OR13A1: variants seen among roughly 807,000 people sequenced by gnomAD.
OR13A1 encodes olfactory receptor 13A1.
Under a neutral mutation model 7.5 loss-of-function variants are expected in OR13A1, and 10 were observed. The ratio of observed to expected loss-of-function variants is 1.34; its 90% CI spans 0.83 to 2.27. The LOEUF is 2.27. OR13A1 is among the 30% of genes most tolerant of loss of function. The pLI, the probability that OR13A1 is intolerant of heterozygous loss-of-function variation, is 0.00. For synonymous variants in OR13A1, 238 were observed against 177.9 expected (o/e 1.34, Z -2.69); for missense variants, 509 against 419.1 (o/e 1.21, Z -1.87).
In OR13A1 at chr10:45,304,219, C is replaced by T. The variant is rs376387098; in HGVS notation, c.204G>A (p.Thr68=). The change falls in exon 4 of 4, where the codon ACG becomes ACA. Residue 68 remains threonine (T), a synonymous_variant. Coordinates refer to ENST00000553795, the MANE Select transcript of OR13A1 (RefSeq NM_001004297.3). The part of the protein sequence containing the change: ...TGNVLITLAI[T]FNPGLHAPMY... ...TAGGAGCGTGGAGCCCAGGGTTGAA[C>T]GTGATGGCCAAGGTGATGAGGACAT... 19 of 1,614,026 alleles carry T rather than the reference C, an allele frequency of 1.2e-5. No individual in the cohort carries two copies. The highest frequency in any genetic ancestry group is 3.3e-5 in the Admixed American group (2 of 60,000).
At chr10:45,311,367 A>G (rs1030379500) in intron 1 of OR13A1, among the ~76,000 whole-genome samples, 7 of 152,138 alleles carry the variant, frequency 4.6e-5, no homozygotes, top group Non-Finnish European at 1.0e-4. Flanking sequence ...CAATCTTTCT[A>G]CATCTTTAAC....
At position 45,303,518 on chromosome 10, in the gene OR13A1, G is replaced by A; in HGVS notation, c.905C>T (p.Thr302Ile). The stretch of plus-strand genomic sequence containing the variant: ...CAAAGTATAGATGAGGGGGTTGAGG[G>A]TAGGACTCAGCACAGTGTACAGCAG... ...AGLLYTVLSP[T>I]LNPLIYTLRN... Residue 302 changes from threonine to isoleucine, a missense_variant, in exon 4 of 4, where the codon ACC becomes ATC. Coordinates refer to ENST00000553795, the MANE Select transcript of OR13A1 (RefSeq NM_001004297.3). 6.2e-7 allele frequency: 1 copy of A among 1,614,110 alleles called. No homozygotes were observed. The highest frequency in any genetic ancestry group is 1.1e-5 in the South Asian group (1 of 91,078).
At chr10:45,310,829 A>G (rs1838430353) in intron 1 of OR13A1, among the ~76,000 whole-genome samples, 1 of 152,230 alleles carries the variant, frequency 6.6e-6, no homozygotes, top group Admixed American at 6.5e-5. Flanking sequence ...GTAAACAGGC[A>G]ATGAACAGTA....
In OR13A1 at chr10:45,307,728, T is replaced by C. The variant is rs1838362566; in HGVS notation, c.-155+11A>G. 6.6e-6 allele frequency: 1 copy of C among 152,200 alleles called. No homozygotes were observed. 9.4% of individuals were successfully genotyped at this position (152,200 alleles called of 1,614,324 possible). A position where few individuals can be genotyped will look rare whatever the true frequency, so the allele number is the denominator to read the frequency against. On this transcript the variant is annotated intron_variant, in intron 2 of 3. Transcript: ENST00000553795. The stretch of plus-strand genomic sequence containing the variant: ...CACATACTGCATTCAGACAACACGA[T>C]GACATCTCACCAGCAGGCCAACAGG...
At chr10:45,315,323 G>T (rs533728134) in intron 1 of OR13A1, among the ~76,000 whole-genome samples, 1 of 151,918 alleles carries the variant, frequency 6.6e-6, no homozygotes, top group South Asian at 2.1e-4. Context: ...CAAAAAAAAA[G>T]AATAATACAA....
chr10:45,307,232 C>T (rs544569428), intron 3 of OR13A1, among the ~76,000 whole-genome samples, 194 bp downstream of exon 3: 26 of 152,348 alleles, frequency 1.7e-4, no homozygotes, highest in Admixed American at 1.0e-3. Context: ...CAGAGTCTGT[C>T]ACGCATCCTT....
In OR13A1 at chr10:45,303,580, G is replaced by C; in HGVS notation, c.843C>G (p.Val281=). The part of the protein sequence containing the change: ...TAVFYAYISP[V]SGYSAGKSKL... ...TGCTCTTCCCTGCGCTGTAGCCAGAGACCGGGCTTATGTAGGCGTAGAAGA... is the reference window on the plus strand; with the variant it reads ...TGCTCTTCCCTGCGCTGTAGCCAGACACCGGGCTTATGTAGGCGTAGAAGA... Residue 281 remains valine, a synonymous_variant, in exon 4 of 4, where the codon GTC becomes GTG. Coordinates refer to ENST00000553795, the MANE Select transcript of OR13A1 (RefSeq NM_001004297.3). 1 of 1,614,168 alleles carries C rather than the reference G, an allele frequency of 6.2e-7. No individual in the cohort carries two copies. The highest frequency in any genetic ancestry group is 8.5e-7 in the Non-Finnish European group (1 of 1,180,044).
chr10:45,306,514 T>G (rs1838334630), intron 3 of OR13A1, among the ~76,000 whole-genome samples: 2 of 152,196 alleles, frequency 1.3e-5, no homozygotes, highest in South Asian at 4.1e-4. Context: ...GGAAGATGTT[T>G]GTTTTAAAAA....
At chr10:45,311,642 G>C (rs971343488) in intron 1 of OR13A1, among the ~76,000 whole-genome samples, 1 of 152,016 alleles carries the variant, frequency 6.6e-6, no homozygotes, top group Non-Finnish European at 1.5e-5. Flanking sequence ...TAAAATAGTA[G>C]TGATACAAAG....
rs115212719 is a variant in OR13A1 at position 45,303,886 on chromosome 10, C to T, written c.537G>A (p.Gly179=). ...LCAVNTAIHT[G]LMLRLDFCGP... ...CACAGAAATCCAAGCGCAGCATCAG[C>T]CCCGTGTGGATGGCCGTGTTGACGG... The change falls in exon 4 of 4, where the codon GGG becomes GGA. Residue 179 remains glycine, a synonymous_variant. Coordinates refer to ENST00000553795, the MANE Select transcript of OR13A1 (RefSeq NM_001004297.3). 2 of 1,613,398 alleles carry T rather than the reference C, an allele frequency of 1.2e-6. No homozygotes were observed. The highest frequency in any genetic ancestry group is 3.3e-5 in the Admixed American group (2 of 60,034).
intron 1 of OR13A1, among the ~76,000 whole-genome samples, chr10:45,314,002 G>T (rs182705138): frequency 9.1e-4 from 139 of 152,128 alleles, no homozygotes; most frequent in Middle Eastern, 6.8e-3. Flanking sequence ...TAAATCACAT[G>T]TTATACCACA....
chr10:45,314,460 A>G (rs1838492807), intron 1 of OR13A1, among the ~76,000 whole-genome samples: 1 of 151,604 alleles, frequency 6.6e-6, no homozygotes, highest in Admixed American at 6.6e-5. Context: ...AAAAAGAAGT[A>G]GAAGAAAGTT....
intron 1 of OR13A1, among the ~76,000 whole-genome samples, chr10:45,311,315 T>C (rs1838441239): frequency 6.6e-6 from 1 of 152,142 alleles, no homozygotes; most frequent in South Asian, 2.1e-4. Flanking sequence ...AAAAGAGAAA[T>C]ACCATTGTAT....
intron 3 of OR13A1, 131 bp from the exon 4 acceptor site, chr10:45,304,565 G>GAA: frequency 1.4e-6 from 1 of 728,468 alleles, no homozygotes; most frequent in Non-Finnish European, 2.2e-6. Flanking sequence ...TATTACAGTA[G>GAA]AAAAAAGGCG....
intron 1 of OR13A1, among the ~76,000 whole-genome samples, chr10:45,310,267 C>T (rs1265006378): frequency 6.6e-6 from 1 of 152,126 alleles, no homozygotes; most frequent in Non-Finnish European, 1.5e-5. Flanking sequence ...TTTTGCTCAA[C>T]AATCTGAAGA....
At chr10:45,309,227 G>A (rs1268724133) in intron 1 of OR13A1, among the ~76,000 whole-genome samples, 1 of 152,154 alleles carries the variant, frequency 6.6e-6, no homozygotes, top group Admixed American at 6.5e-5. Flanking sequence ...AAGACTGTCA[G>A]GCAGGCAAGT....
chr10:45,314,661 C>A (rs535891700), intron 1 of OR13A1, among the ~76,000 whole-genome samples: 8 of 151,872 alleles, frequency 5.3e-5, no homozygotes, highest in African/African-American at 1.7e-4. Context: ...ACAAAATTAA[C>A]AAATGCTTAG....
rs962702717 is a variant in OR13A1, at chr10:45,303,134, G to C, written c.*302C>G. 1 of 317,620 alleles carries C rather than the reference G, an allele frequency of 3.1e-6. No individual in the cohort carries two copies. Among genetic ancestry groups the C allele is most frequent in the Non-Finnish European group, 5.8e-6 (1 of 173,612 alleles). The allele number at this position is 317,620 out of a possible 1,614,324, so 19.7% of individuals were successfully genotyped here. On this transcript the variant is annotated 3_prime_UTR_variant, in exon 4 of 4. Coordinates refer to ENST00000553795, the MANE Select transcript of OR13A1 (RefSeq NM_001004297.3). ...ATACAAAAGGAAAATGTTTGATGTGGCTATGAGTTGAAAACACAAGGAACA... is the reference window on the plus strand; with the variant it reads ...ATACAAAAGGAAAATGTTTGATGTGCCTATGAGTTGAAAACACAAGGAACA...
At chr10:45,309,578 G>A (rs1467987002) in intron 1 of OR13A1, among the ~76,000 whole-genome samples, 1 of 152,120 alleles carries the variant, frequency 6.6e-6, no homozygotes, top group Non-Finnish European at 1.5e-5. Context: ...TACTGGTCAT[G>A]TGACTTTGGG....
Sources: allele counts gnomAD v4.1 joint callset (sites outside exome capture counted in the v4.1 genomes callset), GRCh38; gene constraint gnomAD v4.1.1; transcripts MANE v1.5; gene names NCBI Gene and HGNC (gene_info 2026-07-23, HGNC 2026-07-21).